The following MRS2 variants were observed in gnomAD, a reference collection of about 807,000 sequenced individuals.
The protein encoded by MRS2 is magnesium transporter MRS2.
A neutral mutation model predicts 52.6 loss-of-function variants in MRS2; 40 were observed. The observed-to-expected ratio is 0.76, with a 90% CI of 0.59 to 0.99. The LOEUF is 0.99. Ranked by LOEUF, MRS2 falls within the 50% of genes least tolerant of loss-of-function variation. The probability of loss-of-function intolerance (pLI) is 0.00; values close to 1 mark genes in which losing one functional copy is unlikely to be tolerated. For missense variants in MRS2, 472 were observed against 532.7 expected (o/e 0.89, Z 1.12); for synonymous variants, 193 against 195.9 (o/e 0.98, Z 0.13).
At chr6:24,416,255 C>CTTTTT in intron 6 of MRS2, 142 bp from the exon 7 acceptor site, 18 of 395,736 alleles carry the variant, frequency 4.5e-5, no homozygotes, top group South Asian at 2.5e-4. Flanking sequence ...AAATACTCAA[C>CTTTTT]TTTTTTTTTT....
rs141472637 is a variant in MRS2, at chr6:24,415,823, T to G, written c.720-574T>G. On this transcript the variant is annotated intron_variant, in intron 6 of 10. Coordinates refer to ENST00000378386, the MANE Select transcript of MRS2 (RefSeq NM_020662.4). ...TCACTGATAATTTTACCAATTAATT[T>G]AGATCTGGTTTGGGTTTTTTGTGGG... is the stretch of plus-strand genomic sequence containing the variant. Among the ~76,000 whole-genome samples the G allele has an allele frequency of 2.4e-3, 366 of 152,342 alleles. 1 individual carries two copies. Among genetic ancestry groups the G allele is most frequent in the African/African-American group, 8.3e-3 (343 of 41,574 alleles).
At chr6:24,405,092 A>G in intron 1 of MRS2, 76 bp from the exon 2 acceptor site, 1 of 1,025,944 alleles carries the variant, frequency 9.7e-7, no homozygotes, top group Non-Finnish European at 1.5e-6. Flanking sequence ...GCCTCCACAT[A>G]CTTTGAGAGT....
intron 1 of MRS2, among the ~76,000 whole-genome samples, chr6:24,404,537 G>T (rs1669243952): frequency 6.6e-6 from 1 of 152,088 alleles, no homozygotes; most frequent in African/African-American, 2.4e-5. Flanking sequence ...TCCTCTGTCA[G>T]TCATTAAATG....
At position 24,418,038 on chromosome 6, in the gene MRS2, A is replaced by G. The variant is rs781720865; in HGVS notation, c.837-46A>G. ...GGAAGTTTTTGTCACTAAGTATATG[A>G]TACACATGTTGGGAGTATGTTAATT... On this transcript the variant is annotated intron_variant, in intron 7 of 10. Transcript: ENST00000378386. 2.6e-6 allele frequency: 4 copies of G among 1,551,106 alleles called. No homozygotes were observed. The African/African-American group carries it at 4.1e-5, about 16-fold the overall frequency.
chr6:24,417,024 T>C (rs1014385082), intron 7 of MRS2, among the ~76,000 whole-genome samples: 2 of 152,230 alleles, frequency 1.3e-5, no homozygotes, highest in Admixed American at 1.3e-4. Context: ...TATTTTGTTA[T>C]TGTCTTTCTA....
At chr6:24,414,819 T>C (rs1307595049) in intron 5 of MRS2, among the ~76,000 whole-genome samples, 1 of 152,236 alleles carries the variant, frequency 6.6e-6, no homozygotes, top group African/African-American at 2.4e-5. Context: ...CAACCAAATC[T>C]GTGCCTAAAG....
Position 24,416,431 on chromosome 6 carries a change from A to G in MRS2, c.754A>G (p.Lys252Glu), listed in dbSNP as rs1173715028. The change falls in exon 7 of 11, where the codon AAA (lysine) becomes GAA (glutamate). Residue 252 changes from lysine to glutamate, a missense_variant. By Grantham distance (56) the Lys-to-Glu change is moderately conservative (BLOSUM62 1). Transcript: ENST00000378386. The stretch of plus-strand genomic sequence containing the variant: ...GTTAGAAACAGATATTAAAATTTTC[A>G]AAGAGTCAATTTTGGAGATCTTGGA... ...SELETDIKIF[K>E]ESILEILDEE... 1.3e-6 allele frequency: 2 copies of G among 1,590,206 alleles called. No homozygotes were observed. The highest frequency in any genetic ancestry group is 1.7e-6 in the Non-Finnish European group (2 of 1,159,910).
At chr6:24,404,624 G>GTCC (rs140904927) in intron 1 of MRS2, among the ~76,000 whole-genome samples, 18,603 of 152,086 alleles carry the variant, frequency 0.12, 1,450 homozygotes, top group East Asian at 0.16. Flanking sequence ...ATAAAGATTT[G>GTCC]TCATTTCAGC....
chr6:24,418,402 G>C, intron 8 of MRS2, 59 bp from the exon 9 acceptor site: 1 of 1,602,002 alleles, frequency 6.2e-7, no homozygotes, highest in Non-Finnish European at 8.5e-7. Flanking sequence ...TAGATTTGAT[G>C]AATGTGCTGT....
intron 4 of MRS2, among the ~76,000 whole-genome samples, chr6:24,411,808 A>G (rs951674455): frequency 1.3e-4 from 19 of 150,552 alleles, no homozygotes; most frequent in Non-Finnish European, 2.2e-4. Flanking sequence ...AAGTGCTGGG[A>G]TTACAGGCAT....
intron 7 of MRS2, 131 bp from the exon 8 acceptor site, chr6:24,417,953 A>T: frequency 2.4e-6 from 1 of 412,026 alleles, no homozygotes; most frequent in Non-Finnish European, 3.6e-6. Context: ...AAAAAAAAAA[A>T]GACAAGACAA....
Position 24,414,704 on chromosome 6 carries a change from A to C in MRS2, c.589-329A>C, listed in dbSNP as rs889245726. On this transcript the variant is annotated intron_variant, in intron 5 of 10. Transcript: ENST00000378386. Reference sequence around the variant, plus strand: ...GGGTGGCGGCTGGGCAGAGGGGCTCATCACTTCCCAGACGGGGCGGCCGGG... The same window carrying C: ...GGGTGGCGGCTGGGCAGAGGGGCTCCTCACTTCCCAGACGGGGCGGCCGGG... Among the ~76,000 whole-genome samples the C allele has an allele frequency of 5.9e-5, 9 of 152,242 alleles. No individual in the cohort carries two copies. The South Asian group carries it at 1.4e-3, about 25-fold the overall frequency.
At position 24,406,466 on chromosome 6, in the gene MRS2, C is replaced by A. The variant is rs545993788; in HGVS notation, c.264+1225C>A. On this transcript the variant is annotated intron_variant, in intron 2 of 10. Coordinates refer to ENST00000378386, the MANE Select transcript of MRS2 (RefSeq NM_020662.4). ...TATTCATTGTTCTGGAAGAGTTGGC[C>A]AATTTAGTTAAGAATACAAAATCAG... Among the ~76,000 whole-genome samples the A allele has an allele frequency of 9.6e-4, 146 of 152,078 alleles. No homozygotes were observed. In the Middle Eastern group the frequency reaches 0.01, roughly 11 times the overall value.
intron 9 of MRS2, chr6:24,419,062 C>G (rs996872770): frequency 6.5e-6 from 1 of 154,982 alleles, no homozygotes; most frequent in African/African-American, 2.4e-5. Context: ...CCGGTGAAAC[C>G]CTGTCTCTAC....
At chr6:24,413,169 G>GTA (rs1268730577) in intron 5 of MRS2, among the ~76,000 whole-genome samples, 4 of 152,100 alleles carry the variant, frequency 2.6e-5, no homozygotes, top group Admixed American at 1.3e-4. Flanking sequence ...GTAAACAGTG[G>GTA]TAAGTCATGG....
intron 9 of MRS2, among the ~76,000 whole-genome samples, chr6:24,420,915 A>G (rs1762023720): frequency 6.6e-6 from 1 of 152,194 alleles, no homozygotes; most frequent in South Asian, 2.1e-4. Flanking sequence ...AGAGCGTGGT[A>G]GGGGTTTGGA....
chr6:24,420,818 G>C (rs1239013001), intron 9 of MRS2, among the ~76,000 whole-genome samples: 2 of 152,122 alleles, frequency 1.3e-5, no homozygotes, highest in African/African-American at 2.4e-5. Context: ...TCATGAAATG[G>C]CAAGAAGGTT....
intron 9 of MRS2, among the ~76,000 whole-genome samples, chr6:24,421,771 T>C (rs1762048899): frequency 6.6e-6 from 1 of 152,250 alleles, no homozygotes; most frequent in African/African-American, 2.4e-5. Flanking sequence ...AATACTGAAG[T>C]TATTTTCCAA....
intron 7 of MRS2, among the ~76,000 whole-genome samples, chr6:24,417,699 T>C (rs1278361142): frequency 6.6e-6 from 1 of 152,142 alleles, no homozygotes; most frequent in African/African-American, 2.4e-5. Flanking sequence ...ATCCCAGCAC[T>C]TTGGGAAGCC....
Sources: allele counts gnomAD v4.1 joint callset (sites outside exome capture counted in the v4.1 genomes callset), GRCh38; gene constraint gnomAD v4.1.1; transcripts MANE v1.5; gene names NCBI Gene and HGNC (gene_info 2026-07-23, HGNC 2026-07-21).